SLC22A25: variants seen among roughly 807,000 people sequenced by gnomAD.
SLC22A25 encodes the protein solute carrier family 22 member 25, also known as MGI:2442751, MGI:2385316, MGI:3042283, MGI:3645714, MGI:3605624, MGI:2442750.
In SLC22A25, 44 loss-of-function variants were observed where a neutral mutation model predicts 45.9. The ratio of observed to expected loss-of-function variants is 0.96; its 90% CI spans 0.75 to 1.23. SLC22A25 has a LOEUF of 1.23. SLC22A25 is among the 50% of genes most tolerant of loss of function. The pLI, the probability that SLC22A25 is intolerant of heterozygous loss-of-function variation, is 0.00. For synonymous variants in SLC22A25, 283 were observed against 238.6 expected (o/e 1.19, Z -1.72); for missense variants, 800 against 666.4 (o/e 1.20, Z -2.21).
At chr11:63,197,537 C>G (rs1010107878) in intron 7 of SLC22A25, among the ~76,000 whole-genome samples, 1 of 152,098 alleles carries the variant, frequency 6.6e-6, no homozygotes, top group Non-Finnish European at 1.5e-5. Flanking sequence ...AAAGCTAAAA[C>G]TGGATCCCTT....
At chr11:63,233,316 G>A (rs545926484) in intron 3 of SLC22A25, among the ~76,000 whole-genome samples, 3 of 152,296 alleles carry the variant, frequency 2.0e-5, no homozygotes, top group Non-Finnish European at 4.4e-5. Flanking sequence ...TTCAGAGCCT[G>A]TTATTCAGGC....
chr11:63,238,839 A>G lies in SLC22A25; in HGVS notation c.-699T>C, dbSNP rs372539026. The G allele has an allele frequency of 4.8e-5, 12 of 252,386 alleles. No individual in the cohort carries two copies. The South Asian group carries it at 6.4e-4, about 14-fold the overall frequency. The allele number at this position is 252,386 out of a possible 1,614,324, so 15.6% of individuals were successfully genotyped here. A position where few individuals can be genotyped will look rare whatever the true frequency, so the allele number is the denominator to read the frequency against. ...TCAGGTGAAGGAGCTGCCACTGGGG[A>G]TGGATGAAGTGACAACGTTTCTGTG... is the stretch of plus-strand genomic sequence containing the variant. On this transcript the variant is annotated 5_prime_UTR_variant, in exon 2 of 12. Coordinates refer to ENST00000306494, the MANE Select transcript of SLC22A25 (RefSeq NM_199352.6).
intron 7 of SLC22A25, among the ~76,000 whole-genome samples, chr11:63,213,111 C>A (rs1021695989): frequency 5.3e-5 from 8 of 152,150 alleles, no homozygotes; most frequent in African/African-American, 1.9e-4. Context: ...GCATTGCCCA[C>A]CCCAGTTACA....
chr11:63,241,451 G>T lies in SLC22A25; in HGVS notation c.-996+1983C>A, dbSNP rs577578780. On this transcript the variant is annotated intron_variant, in intron 1 of 11. Coordinates refer to ENST00000306494, the MANE Select transcript of SLC22A25 (RefSeq NM_199352.6). ...CACACCTCATGCCCACTCCACAGGT[G>T]CATCCCCATGCCTCTTTCCCAGACC... Among the ~76,000 whole-genome samples the T allele has an allele frequency of 3.3e-5, 5 of 152,192 alleles. No homozygotes were observed. In the South Asian group the frequency reaches 1.0e-3, roughly 32 times the overall value.
rs529523404 is a variant in SLC22A25 at position 63,164,600 on chromosome 11, C to T, written c.1320G>A (p.Leu440=). The T allele has an allele frequency of 6.8e-6, 11 of 1,613,806 alleles. No individual in the cohort carries two copies. In the South Asian group the frequency reaches 8.8e-5, roughly 13 times the overall value. ...MQTLRVVLAT[L]GVGAASLGIT... ...TGCCAAGAGAAGCAGCTCCCACACC[C>T]AGGGTTGCCAAAACCACACGCAGGG... The change falls in exon 11 of 12, where the codon CTG becomes CTA. Residue 440 remains leucine (L), a synonymous_variant. Transcript: ENST00000306494.
At chr11:63,209,793 T>C (rs1454386923) in intron 7 of SLC22A25, among the ~76,000 whole-genome samples, 1 of 152,194 alleles carries the variant, frequency 6.6e-6, no homozygotes, top group Non-Finnish European at 1.5e-5. Flanking sequence ...CAACCCAACC[T>C]GACCAGATTG....
rs1031316681 is a variant in SLC22A25, at chr11:63,236,534, C to T, written c.-445+1347G>A. 2.6e-4 allele frequency among the ~76,000 whole-genome samples: 40 copies of T among 152,128 alleles called. 1 individual carries two copies. The highest frequency in any genetic ancestry group is 2.4e-3 in the Admixed American group (37 of 15,276). On this transcript the variant is annotated intron_variant, in intron 3 of 11. Coordinates refer to ENST00000306494, the MANE Select transcript of SLC22A25 (RefSeq NM_199352.6). ...GGGAGTGACCCAATTTTCCAGGTGC[C>T]GTCTGTCACCCCTTTCTTTGACTAG... is the stretch of plus-strand genomic sequence containing the variant.
At chr11:63,174,967 T>C (rs2088032532) in intron 9 of SLC22A25, among the ~76,000 whole-genome samples, 1 of 152,154 alleles carries the variant, frequency 6.6e-6, no homozygotes, top group Non-Finnish European at 1.5e-5. Flanking sequence ...ACATTTTTCT[T>C]TCCATGGCTG....
intron 5 of SLC22A25, among the ~76,000 whole-genome samples, chr11:63,226,689 G>A (rs2089968912): frequency 6.6e-6 from 1 of 152,204 alleles, no homozygotes; most frequent in African/African-American, 2.4e-5. Context: ...CTACAATCAG[G>A]AGGTGGTGAA....
chr11:63,238,071 G>T (rs1195941727), intron 2 of SLC22A25, 59 bp from the exon 3 acceptor site: 1 of 152,100 alleles, frequency 6.6e-6, no homozygotes, highest in Non-Finnish European at 1.5e-5. Flanking sequence ...CGCCTCAGAG[G>T]AACCTGATCA....
At position 63,229,466 on chromosome 11, in the gene SLC22A25, C is replaced by T; in HGVS notation, c.187G>A (p.Asp63Asn). 1 of 1,614,090 alleles carries T rather than the reference C, an allele frequency of 6.2e-7. No individual in the cohort carries two copies. The highest frequency in any genetic ancestry group is 1.1e-5 in the South Asian group (1 of 91,074). Residue 63 changes from aspartate (D) to asparagine (N), a missense_variant, in exon 4 of 12, where the codon GAC (aspartate) becomes AAC (asparagine). Physicochemically the swap from Asp to Asn is conservative, Grantham distance 23. Coordinates refer to ENST00000306494, the MANE Select transcript of SLC22A25 (RefSeq NM_199352.6). ...ILDNDTIPDN[D>N]PGTLSQDALL... Reference sequence around the variant, plus strand: ...GCATCCTGGCTGAGGGTCCCAGGGTCATTGTCAGGGATAGTGTCATTGTCC... The same window carrying T: ...GCATCCTGGCTGAGGGTCCCAGGGTTATTGTCAGGGATAGTGTCATTGTCC...
chr11:63,186,119 A>G (rs941646130), intron 7 of SLC22A25, among the ~76,000 whole-genome samples: 1 of 145,646 alleles, frequency 6.9e-6, no homozygotes, highest in African/African-American at 2.5e-5. Flanking sequence ...GAATTGCCAC[A>G]CTGACTTCCA....
At chr11:63,209,186 A>C (rs759803367) in intron 7 of SLC22A25, among the ~76,000 whole-genome samples, 2 of 152,056 alleles carry the variant, frequency 1.3e-5, no homozygotes, top group Non-Finnish European at 2.9e-5. Context: ...CAGTTTCCCT[A>C]TATAGACTCT....
intron 7 of SLC22A25, among the ~76,000 whole-genome samples, chr11:63,208,896 G>A (rs967720750): frequency 4.6e-5 from 7 of 152,110 alleles, no homozygotes; most frequent in African/African-American, 1.4e-4. Flanking sequence ...AACAGGACCC[G>A]GTCTGGTGGA....
rs2089739517 is a variant in SLC22A25 at position 63,217,370 on chromosome 11, C to G, written c.774G>C (p.Gln258His). ...CAGACATCACCAACTGGAGGATGCA[C>G]TGGTCTCGAATGACAAAAGCCAGGC... Reference protein sequence around the residue: ...LGSLAFVIRDQCILQLVMSAP... With the variant: ...LGSLAFVIRDHCILQLVMSAP... Residue 258 changes from glutamine (Q) to histidine (H), a missense_variant, in exon 7 of 12, where the codon CAG (glutamine) becomes CAC (histidine). Coordinates refer to ENST00000306494, the MANE Select transcript of SLC22A25 (RefSeq NM_199352.6). 1 of 1,614,016 alleles carries G rather than the reference C, an allele frequency of 6.2e-7. No homozygotes were observed. The highest frequency in any genetic ancestry group is 8.5e-7 in the Non-Finnish European group (1 of 1,180,012).
rs144803159 is a variant in SLC22A25 at position 63,196,951 on chromosome 11, T to C, written c.831-13134A>G. Among the ~76,000 whole-genome samples, 143 of 151,502 alleles carry C rather than the reference T, an allele frequency of 9.4e-4. 2 individuals are homozygous for C. The East Asian group carries it at 0.022, about 23-fold the overall frequency. On this transcript the variant is annotated intron_variant, in intron 7 of 11. Transcript: ENST00000306494. ...TGTGCAAAAATCACAAGCATTCCTA[T>C]ACAGCAATAACAGACACACAGAGAG... is the stretch of plus-strand genomic sequence containing the variant.
chr11:63,209,339 G>A (rs2089495916), intron 7 of SLC22A25, among the ~76,000 whole-genome samples: 1 of 152,120 alleles, frequency 6.6e-6, no homozygotes, highest in African/African-American at 2.4e-5. Flanking sequence ...AGGAATCCCT[G>A]AAGCCTCAGC....
rs142403212 is a variant in SLC22A25 at position 63,242,123 on chromosome 11, A to G, written c.-996+1311T>C. ...AGTTTAATAGAATTACATGGGCAGA[A>G]ACACTGCTAGTTGGGACAGAAACTA... On this transcript the variant is annotated intron_variant, in intron 1 of 11. Coordinates refer to ENST00000306494, the MANE Select transcript of SLC22A25 (RefSeq NM_199352.6). 6.6e-4 allele frequency among the ~76,000 whole-genome samples: 100 copies of G among 152,354 alleles called. 3 individuals carry two copies. In the East Asian group the frequency reaches 0.018, roughly 27 times the overall value.
At chr11:63,198,207 A>G (rs990127266) in intron 7 of SLC22A25, among the ~76,000 whole-genome samples, 1 of 152,236 alleles carries the variant, frequency 6.6e-6, no homozygotes, top group African/African-American at 2.4e-5. Flanking sequence ...CATTTGACCC[A>G]GCGATCCCAT....
Sources: allele counts gnomAD v4.1 joint callset (sites outside exome capture counted in the v4.1 genomes callset), GRCh38; gene constraint gnomAD v4.1.1; transcripts MANE v1.5; gene names NCBI Gene and HGNC (gene_info 2026-07-23, HGNC 2026-07-21).